Variants in RALYL observed in about 807,000 individuals in gnomAD.
RALYL encodes RALY RNA binding protein like, also known as RNA-binding Raly-like protein.
RALYL carries 29 observed loss-of-function variants against 35.1 expected under a neutral mutation model. The observed-to-expected ratio is 0.83, with a 90% CI of 0.61 to 1.13. RALYL has a LOEUF of 1.13. RALYL is among the 50% of genes most tolerant of loss of function. The probability of loss-of-function intolerance (pLI) is 0.00; values close to 1 mark genes in which losing one functional copy is unlikely to be tolerated. For synonymous variants in RALYL, 120 were observed against 127.6 expected (o/e 0.94, Z 0.40); for missense variants, 359 against 360.4 (o/e 1.00, Z 0.03).
intron 1 of RALYL, among the ~76,000 whole-genome samples, chr8:84,501,630 G>A (rs2056669436): frequency 6.6e-6 from 1 of 151,796 alleles, no homozygotes; most frequent in Admixed American, 6.6e-5. Flanking sequence ...ATAAATATGA[G>A]TGTTCAAGAA....
chr8:84,468,510 T>C (rs2052112891), intron 1 of RALYL, among the ~76,000 whole-genome samples: 1 of 149,882 alleles, frequency 6.7e-6, no homozygotes, highest in African/African-American at 2.4e-5. Context: ...TGCCGAGAGA[T>C]CTGCTGTTAG....
At chr8:84,771,544 C>T (rs1456930492) in intron 2 of RALYL, among the ~76,000 whole-genome samples, 5 of 152,002 alleles carry the variant, frequency 3.3e-5, no homozygotes, top group Non-Finnish European at 7.4e-5. Context: ...CTCAGAAATG[C>T]CAGCATTTGA....
chr8:84,277,442 T>G (rs905540048), intron 1 of RALYL, among the ~76,000 whole-genome samples: 8 of 152,126 alleles, frequency 5.3e-5, no homozygotes, highest in African/African-American at 1.9e-4. Context: ...CCAAACCATA[T>G]CATTCTGCCC....
intron 1 of RALYL, among the ~76,000 whole-genome samples, chr8:84,486,689 T>G (rs1443431421): frequency 1.3e-5 from 2 of 152,024 alleles, no homozygotes. Flanking sequence ...TCACAATAAA[T>G]TCCAGAAAAT....
At chr8:84,722,653 G>C (rs111744352) in intron 2 of RALYL, among the ~76,000 whole-genome samples, 3 of 105,534 alleles carry the variant, frequency 2.8e-5, no homozygotes, top group Non-Finnish European at 5.6e-5. Context: ...ATATATGTAT[G>C]TATATAAAAT....
At chr8:84,703,934 C>T (rs565154460) in intron 2 of RALYL, among the ~76,000 whole-genome samples, 16 of 152,184 alleles carry the variant, frequency 1.1e-4, no homozygotes, top group Middle Eastern at 3.4e-3. Flanking sequence ...ACAATTTCAT[C>T]AAAATCTATA....
chr8:84,512,455 G>A (rs1487697968), intron 1 of RALYL, among the ~76,000 whole-genome samples: 1 of 151,810 alleles, frequency 6.6e-6, no homozygotes, highest in African/African-American at 2.4e-5. Context: ...CTGGTCCCTT[G>A]TCAGATTTTA....
intron 2 of RALYL, among the ~76,000 whole-genome samples, chr8:84,636,578 A>T (rs928634101): frequency 2.0e-5 from 3 of 151,806 alleles, no homozygotes; most frequent in Admixed American, 1.3e-4. Flanking sequence ...GACAGCCTAT[A>T]ATATACTACC....
Position 84,856,897 on chromosome 8 carries a change from A to G in RALYL, c.414-5399A>G, listed in dbSNP as rs370653866. The stretch of plus-strand genomic sequence containing the variant: ...CAAAAAATTAGCCGGGCGCGGTGGC[A>G]GGCGCCTGTAGTCCCAGCTACTCGG... On this transcript the variant is annotated intron_variant, in intron 5 of 8. Transcript: ENST00000521268. 1.5e-3 allele frequency among the ~76,000 whole-genome samples: 226 copies of G among 151,264 alleles called. 1 individual carries two copies. Among genetic ancestry groups the G allele is most frequent in the African/African-American group, 3.6e-3 (147 of 41,222 alleles).
At chr8:84,386,724 A>G (rs562715639) in intron 1 of RALYL, among the ~76,000 whole-genome samples, 3 of 151,942 alleles carry the variant, frequency 2.0e-5, no homozygotes, top group South Asian at 2.1e-4. Context: ...ACTACATATC[A>G]TCTTCAGGAT....
chr8:84,274,713 G>A (rs1006472677), intron 1 of RALYL, among the ~76,000 whole-genome samples: 9 of 152,056 alleles, frequency 5.9e-5, no homozygotes, highest in African/African-American at 2.2e-4. Flanking sequence ...ATTCAAATAA[G>A]CACAGGCAAA....
At chr8:84,682,073 C>T (rs1347013874) in intron 2 of RALYL, among the ~76,000 whole-genome samples, 2 of 152,094 alleles carry the variant, frequency 1.3e-5, no homozygotes, top group African/African-American at 2.4e-5. Flanking sequence ...TTGTCAAAGG[C>T]CTTTTCTGCA....
At chr8:84,711,500 T>A (rs947522996) in intron 2 of RALYL, among the ~76,000 whole-genome samples, 1 of 152,192 alleles carries the variant, frequency 6.6e-6, no homozygotes, top group Non-Finnish European at 1.5e-5. Context: ...ACTTATCTTC[T>A]TATAAATATC....
intron 2 of RALYL, among the ~76,000 whole-genome samples, chr8:84,767,380 T>G (rs1007829424): frequency 5.3e-5 from 8 of 152,244 alleles, no homozygotes; most frequent in Admixed American, 5.2e-4. Context: ...ACATTTTTAA[T>G]TAACTTACTG....
chr8:84,426,235 G>A (rs2046415531), intron 1 of RALYL, among the ~76,000 whole-genome samples: 1 of 151,918 alleles, frequency 6.6e-6, no homozygotes, highest in African/African-American at 2.4e-5. Flanking sequence ...GTTTGTTTTT[G>A]TGGCAAGAGC....
chr8:84,494,714 A>G (rs2055798049), intron 1 of RALYL, among the ~76,000 whole-genome samples: 1 of 152,092 alleles, frequency 6.6e-6, no homozygotes, highest in Non-Finnish European at 1.5e-5. Context: ...CTATTGGTGT[A>G]TAGGAGTGCT....
intron 2 of RALYL, among the ~76,000 whole-genome samples, chr8:84,757,168 C>A (rs932437299): frequency 6.6e-6 from 1 of 151,976 alleles, no homozygotes; most frequent in African/African-American, 2.4e-5. Flanking sequence ...TTTTTGATAA[C>A]CTATGAATAT....
At chr8:84,199,236 C>G (rs1403489136) in intron 1 of RALYL, among the ~76,000 whole-genome samples, 2 of 152,104 alleles carry the variant, frequency 1.3e-5, no homozygotes, top group African/African-American at 4.8e-5. Flanking sequence ...GTGCATTTCT[C>G]TGTGCATTAC....
intron 1 of RALYL, among the ~76,000 whole-genome samples, chr8:84,479,182 T>C (rs932936833): frequency 6.7e-6 from 1 of 150,284 alleles, no homozygotes; most frequent in East Asian, 2.0e-4. Context: ...TATACTTTTG[T>C]AGATAATCCT....
Sources: gnomAD v4.1 joint callset for allele counts (sites outside exome capture counted in the v4.1 genomes callset) on GRCh38, gnomAD v4.1.1 for gene constraint, MANE v1.5 for transcripts, NCBI Gene and HGNC (gene_info 2026-07-23, HGNC 2026-07-21) for gene names.